Variants in PAIP1 observed in about 807,000 individuals in gnomAD.
PAIP1 encodes poly(A) binding protein interacting protein 1.
In PAIP1, 16 loss-of-function variants were observed where a neutral mutation model predicts 61.3. The observed-to-expected ratio is 0.26, with a 90% CI of 0.18 to 0.40. The LOEUF is 0.40. PAIP1 is among the 10% of genes least tolerant of loss of function. The pLI is 1.00. For missense variants in PAIP1, 416 were observed against 600.9 expected (o/e 0.69, Z 3.22); for synonymous variants, 187 against 226.2 (o/e 0.83, Z 1.56).
At chr5:43,546,353 TA>T (rs1161829954) in intron 3 of PAIP1, among the ~76,000 whole-genome samples, 1 of 152,174 alleles carries the variant, frequency 6.6e-6, no homozygotes, top group Non-Finnish European at 1.5e-5. Context: ...CAACAAGAAA[TA>T]AATACATTTG....
At chr5:43,540,490 T>G (rs1022681405) in intron 4 of PAIP1, among the ~76,000 whole-genome samples, 22 of 152,330 alleles carry the variant, frequency 1.4e-4, no homozygotes, top group African/African-American at 5.3e-4. Flanking sequence ...AGTCAAATTT[T>G]TAAGCTAAAG....
chr5:43,533,928 T>C, intron 8 of PAIP1, 136 bp from the exon 9 acceptor site: 1 of 645,788 alleles, frequency 1.5e-6, no homozygotes, highest in Non-Finnish European at 2.8e-6. Context: ...AACTTCCTGG[T>C]AGCCATTTTC....
At chr5:43,544,980 C>G (rs968100766) in intron 3 of PAIP1, among the ~76,000 whole-genome samples, 3 of 152,192 alleles carry the variant, frequency 2.0e-5, no homozygotes, top group African/African-American at 7.2e-5. Flanking sequence ...TAATTTCACC[C>G]CACTCTACTA....
At chr5:43,530,271 A>T (rs1400376324) in intron 9 of PAIP1, among the ~76,000 whole-genome samples, 3 of 152,240 alleles carry the variant, frequency 2.0e-5, no homozygotes, top group African/African-American at 7.2e-5. Flanking sequence ...TTAACCTACC[A>T]AAAGTTTTAA....
At position 43,531,656 on chromosome 5, in the gene PAIP1, C is replaced by T. The variant is rs78637129; in HGVS notation, c.1253-1777G>A. On this transcript the variant is annotated intron_variant, in intron 9 of 10. Transcript: ENST00000306846. ...TGGGTAACAGAGTGAGACTCTGTCT[C>T]AAAAAAAAAAAAAAAAAAAAAGAGA... Among the ~76,000 whole-genome samples the T allele has an allele frequency of 0.01, 611 of 59,806 alleles. 5 individuals are homozygous for T. In the East Asian group the frequency reaches 0.16, roughly 16 times the overall value. The allele number at this position is 59,806 out of a possible 152,430, so 39.2% of individuals were successfully genotyped here.
At position 43,556,610 on chromosome 5, in the gene PAIP1, C is replaced by T. The variant is rs371017588; in HGVS notation, c.237G>A (p.Gln79=). The change falls in exon 1 of 11, where the codon CAG becomes CAA. Residue 79 remains glutamine (Q), a synonymous_variant. Coordinates refer to ENST00000306846, the MANE Select transcript of PAIP1 (RefSeq NM_006451.5). The stretch of plus-strand genomic sequence containing the variant: ...GGAGCGCCCCGGGCCGGGAAGGCCG[C>T]TGGGGGCTGGCGGGGACCTCGCACT... ...GAQCEVPASP[Q]RPSRPGALPE... is the part of the protein sequence containing the mutation. 4.3e-4 allele frequency: 534 copies of T among 1,255,514 alleles called. 12 individuals are homozygous for T. The South Asian group carries it at 0.017, about 41-fold the overall frequency. The allele number at this position is 1,255,514 out of a possible 1,614,324, so 77.8% of individuals were successfully genotyped here.
chr5:43,534,563 T>C (rs1041647109), intron 8 of PAIP1, among the ~76,000 whole-genome samples: 1 of 152,210 alleles, frequency 6.6e-6, no homozygotes, highest in Non-Finnish European at 1.5e-5. Context: ...TGCAGGTCCT[T>C]GGTTATAAAT....
At chr5:43,542,937 T>G in intron 4 of PAIP1, 67 bp downstream of exon 4, 1 of 839,938 alleles carries the variant, frequency 1.2e-6, no homozygotes, top group Non-Finnish European at 2.0e-6. Context: ...TAATATATGG[T>G]CTGAGGAATG....
rs1746734111 is a variant in PAIP1 at position 43,526,951 on chromosome 5, T to TA, written c.*424dup. On this transcript the variant is annotated 3_prime_UTR_variant, in exon 11 of 11. Coordinates refer to ENST00000306846, the MANE Select transcript of PAIP1 (RefSeq NM_006451.5). ...TTTGAAATTCAATTCATTGGGACAC[T>TA]AAATGTCAAACTAAAATGAAAGCTA... 1 of 152,014 alleles carries TA rather than the reference T, an allele frequency of 6.6e-6. No individual in the cohort carries two copies. Among genetic ancestry groups the TA allele is most frequent in the Admixed American group, 6.6e-5 (1 of 15,202 alleles). The allele number at this position is 152,014 out of a possible 1,614,324, so 9.4% of individuals were successfully genotyped here.
intron 9 of PAIP1, among the ~76,000 whole-genome samples, chr5:43,532,203 A>T (rs1746971123): frequency 6.6e-6 from 1 of 152,222 alleles, no homozygotes. Flanking sequence ...AAAAAATAAA[A>T]AACAAATAAT....
At chr5:43,552,508 G>A (rs1747902742) in intron 2 of PAIP1, among the ~76,000 whole-genome samples, 1 of 152,184 alleles carries the variant, frequency 6.6e-6, no homozygotes, top group Admixed American at 6.5e-5. Flanking sequence ...ATGGAAGAAA[G>A]AACGTCACCA....
chr5:43,534,200 ATT>A (rs34732006), intron 8 of PAIP1, among the ~76,000 whole-genome samples: 1 of 145,150 alleles, frequency 6.9e-6, no homozygotes, highest in Non-Finnish European at 1.5e-5. Flanking sequence ...CCTAGTAGCC[ATT>A]TTTTTTTTTT....
intron 2 of PAIP1, among the ~76,000 whole-genome samples, chr5:43,553,989 C>A (rs777608118): frequency 2.2e-4 from 34 of 152,160 alleles, no homozygotes; most frequent in Non-Finnish European, 8.8e-5. Flanking sequence ...CCATTCAGGG[C>A]TAGAGAAGAC....
At chr5:43,539,407 T>C (rs1331064848) in intron 4 of PAIP1, among the ~76,000 whole-genome samples, 8 of 152,014 alleles carry the variant, frequency 5.3e-5, no homozygotes, top group Admixed American at 5.2e-4. Context: ...AAATTGTCTC[T>C]GTAATTTTTT....
At chr5:43,538,766 A>T (rs1459808969) in intron 5 of PAIP1, among the ~76,000 whole-genome samples, 158 bp downstream of exon 5, 1 of 152,220 alleles carries the variant, frequency 6.6e-6, no homozygotes, top group African/African-American at 2.4e-5. Flanking sequence ...CGGTCCAGTA[A>T]ACCACAGACA....
chr5:43,531,137 G>A (rs541664216), intron 9 of PAIP1, among the ~76,000 whole-genome samples: 1 of 152,066 alleles, frequency 6.6e-6, no homozygotes, highest in East Asian at 1.9e-4. Flanking sequence ...TGGTGCCCCA[G>A]AGAATTTTTA....
At position 43,543,047 on chromosome 5, in the gene PAIP1, T is replaced by A; in HGVS notation, c.691A>T (p.Ile231Phe). The change falls in exon 4 of 11, where the codon ATT becomes TTT. Residue 231 changes from isoleucine (I) to phenylalanine (F), a missense_variant. Coordinates refer to ENST00000306846, the MANE Select transcript of PAIP1 (RefSeq NM_006451.5). ...CGGAAGTTGCCACTCTGTGGGCTAA[T>A]TGTCAGATGATGGGACAGGTAATTA... ...LCNYLSHHLT[I>F]SPQSGNFRQL... The A allele has an allele frequency of 6.2e-7, 1 of 1,609,642 alleles. No individual in the cohort carries two copies. The highest frequency in any genetic ancestry group is 1.1e-5 in the South Asian group (1 of 90,976).
At chr5:43,528,498 G>A (rs376608052) in intron 10 of PAIP1, among the ~76,000 whole-genome samples, 14 of 152,244 alleles carry the variant, frequency 9.2e-5, no homozygotes, top group African/African-American at 3.4e-4. Flanking sequence ...ATAAACTTAA[G>A]AGGATAACCT....
chr5:43,534,113 C>T (rs1020141672), intron 8 of PAIP1, among the ~76,000 whole-genome samples: 2 of 152,134 alleles, frequency 1.3e-5, no homozygotes, highest in African/African-American at 4.8e-5. Flanking sequence ...TAAGAATTTC[C>T]AGGACCAGGG....
Sources: gnomAD v4.1 joint callset for allele counts (sites outside exome capture counted in the v4.1 genomes callset) on GRCh38, gnomAD v4.1.1 for gene constraint, MANE v1.5 for transcripts, NCBI Gene and HGNC (gene_info 2026-07-23, HGNC 2026-07-21) for gene names.